TMEM150C: variants seen among roughly 807,000 people sequenced by gnomAD.
The protein encoded by TMEM150C is transmembrane protein 150C.
A neutral mutation model predicts 29.9 loss-of-function variants in TMEM150C; 10 were observed. The ratio of observed to expected loss-of-function variants is 0.33; its 90% CI spans 0.21 to 0.57. The LOEUF is 0.57. Ranked by LOEUF, TMEM150C falls within the 20% of genes least tolerant of loss-of-function variation. The pLI is 0.88. For missense variants in TMEM150C, 251 were observed against 303.6 expected (o/e 0.83, Z 1.29); for synonymous variants, 101 against 112.5 (o/e 0.90, Z 0.64).
intron 1 of TMEM150C, among the ~76,000 whole-genome samples, chr4:82,558,404 G>A (rs1171864139): frequency 6.6e-6 from 1 of 152,154 alleles, no homozygotes; most frequent in Non-Finnish European, 1.5e-5. Context: ...GTTTATAGAT[G>A]CCAAAAAGGA....
intron 1 of TMEM150C, among the ~76,000 whole-genome samples, chr4:82,508,871 G>C (rs986193294): frequency 6.6e-6 from 1 of 152,120 alleles, no homozygotes; most frequent in Non-Finnish European, 1.5e-5. Context: ...GTCCTAAATG[G>C]TTAATTATAT....
intron 1 of TMEM150C, among the ~76,000 whole-genome samples, chr4:82,526,880 G>A (rs190664712): frequency 6.6e-6 from 1 of 152,082 alleles, no homozygotes; most frequent in Admixed American, 6.5e-5. Flanking sequence ...ACTGGTGACC[G>A]AGGGTCTTCG....
At chr4:82,549,500 T>C (rs1725499027) in intron 1 of TMEM150C, among the ~76,000 whole-genome samples, 1 of 152,148 alleles carries the variant, frequency 6.6e-6, no homozygotes, top group Middle Eastern at 3.2e-3. Flanking sequence ...GGTATAGAGT[T>C]TCAGTTCTGT....
chr4:82,528,790 T>C (rs1474353943), intron 1 of TMEM150C, among the ~76,000 whole-genome samples: 1 of 152,016 alleles, frequency 6.6e-6, no homozygotes, highest in Admixed American at 6.6e-5. Context: ...AAGACGGGGT[T>C]TCACCATATT....
At chr4:82,496,251 T>C in intron 5 of TMEM150C, 56 bp from the exon 6 acceptor site, 1 of 1,485,538 alleles carries the variant, frequency 6.7e-7, no homozygotes, top group Non-Finnish European at 9.2e-7. Context: ...ACCTAGACTG[T>C]GAGGCAGAAT....
At chr4:82,531,754 CAAAAAAAAAAAA>C (rs757992713) in intron 1 of TMEM150C, among the ~76,000 whole-genome samples, 10,632 of 62,948 alleles carry the variant, frequency 0.17, 796 homozygotes, top group African/African-American at 0.29. Context: ...GACTCTGTCT[CAAAAAAAAAAAA>C]AAAAAAAAAA....
At chr4:82,560,352 T>C (rs114938015) in intron 1 of TMEM150C, among the ~76,000 whole-genome samples, 5,113 of 152,326 alleles carry the variant, frequency 0.034, 289 homozygotes, top group African/African-American at 0.12. Context: ...CTAGTCATTA[T>C]TGTTAGCAAA....
chr4:82,537,127 G>A (rs1268554715), intron 1 of TMEM150C, among the ~76,000 whole-genome samples: 13 of 152,002 alleles, frequency 8.6e-5, no homozygotes, highest in Admixed American at 6.6e-4. Flanking sequence ...GACTACAGGC[G>A]CCAGCCACCA....
In TMEM150C at chr4:82,484,455, T is replaced by C. The variant is rs1225706505; in HGVS notation, c.*1056A>G. 1 of 151,766 alleles carries C rather than the reference T, an allele frequency of 6.6e-6. No homozygotes were observed. Among genetic ancestry groups the C allele is most frequent in the Non-Finnish European group, 1.5e-5 (1 of 67,962 alleles). The allele number at this position is 151,766 out of a possible 1,614,324, so 9.4% of individuals were successfully genotyped here. ...ACTAAATTTGAGCAAAAGATACATA[T>C]TAACAAAGTCTCCCCTGATTTGGAC... is the stretch of plus-strand genomic sequence containing the variant. On this transcript the variant is annotated 3_prime_UTR_variant, in exon 8 of 8. Transcript: ENST00000449862.
At chr4:82,530,007 C>T (rs567783340) in intron 1 of TMEM150C, among the ~76,000 whole-genome samples, 13 of 151,676 alleles carry the variant, frequency 8.6e-5, no homozygotes, top group South Asian at 4.2e-4. Flanking sequence ...ATTCAGAGGA[C>T]GGGCCCTCAG....
chr4:82,556,834 T>G (rs977589445), intron 1 of TMEM150C, among the ~76,000 whole-genome samples: 3 of 152,232 alleles, frequency 2.0e-5, no homozygotes, highest in African/African-American at 4.8e-5. Context: ...CCCTATGGGA[T>G]GGACACTAAT....
chr4:82,516,309 C>T (rs1225732349), intron 1 of TMEM150C, among the ~76,000 whole-genome samples: 3 of 152,134 alleles, frequency 2.0e-5, no homozygotes, highest in Non-Finnish European at 4.4e-5. Context: ...TGTGTTATAC[C>T]AGGGTGATAG....
At chr4:82,519,116 C>T (rs1176040934) in intron 1 of TMEM150C, among the ~76,000 whole-genome samples, 1 of 152,156 alleles carries the variant, frequency 6.6e-6, no homozygotes, top group Non-Finnish European at 1.5e-5. Flanking sequence ...AAAGAGGCAA[C>T]CTGACAGTAA....
chr4:82,520,753 A>C (rs918279199), intron 1 of TMEM150C, among the ~76,000 whole-genome samples: 3 of 152,076 alleles, frequency 2.0e-5, no homozygotes, highest in African/African-American at 7.2e-5. Flanking sequence ...GTGTAGTGGC[A>C]GGTGCCTGTA....
chr4:82,500,557 T>C (rs1723705438), intron 5 of TMEM150C, among the ~76,000 whole-genome samples: 1 of 152,154 alleles, frequency 6.6e-6, no homozygotes, highest in Non-Finnish European at 1.5e-5. Context: ...GAGCAAGAGC[T>C]AGCAAAAGCT....
At chr4:82,493,013 A>G (rs1056407309) in intron 6 of TMEM150C, among the ~76,000 whole-genome samples, 1 of 150,654 alleles carries the variant, frequency 6.6e-6, no homozygotes, top group East Asian at 1.9e-4. Flanking sequence ...CTTTTCTTCA[A>G]CATATATTTT....
chr4:82,526,270 A>G (rs897253190), intron 1 of TMEM150C, among the ~76,000 whole-genome samples: 1 of 152,228 alleles, frequency 6.6e-6, no homozygotes, highest in Non-Finnish European at 1.5e-5. Flanking sequence ...GGAGATAAGG[A>G]CAACTATATT....
intron 5 of TMEM150C, among the ~76,000 whole-genome samples, chr4:82,497,648 A>G (rs564163305): frequency 3.2e-4 from 48 of 152,346 alleles, no homozygotes; most frequent in African/African-American, 1.1e-3. Flanking sequence ...ATCTTTCAGT[A>G]TATGCTTCAG....
In TMEM150C at chr4:82,559,978, A is replaced by G. The variant is rs185149254; in HGVS notation, c.-11+1928T>C. On this transcript the variant is annotated intron_variant, in intron 1 of 7. Coordinates refer to ENST00000449862, the MANE Select transcript of TMEM150C (RefSeq NM_001080506.3). ...GGCGAGACAAAGCAGGAAGACAGAC[A>G]AGAGTGTAAAGCAAAGGGCCTTCTC... Among the ~76,000 whole-genome samples the G allele has an allele frequency of 2.6e-5, 4 of 152,340 alleles. No homozygotes were observed. In the East Asian group the frequency reaches 7.7e-4, roughly 29 times the overall value.
Sources: allele counts gnomAD v4.1 joint callset (sites outside exome capture counted in the v4.1 genomes callset), GRCh38; gene constraint gnomAD v4.1.1; transcripts MANE v1.5; gene names NCBI Gene and HGNC (gene_info 2026-07-23, HGNC 2026-07-21).